HIP1R: variants seen among roughly 807,000 people sequenced by gnomAD.
The protein encoded by HIP1R is huntingtin-interacting protein 1-related protein.
A neutral mutation model predicts 144.2 loss-of-function variants in HIP1R; 135 were observed. The observed-to-expected ratio is 0.94, with a 90% CI of 0.81 to 1.08. The LOEUF (loss-of-function observed/expected upper bound fraction) is 1.08. HIP1R is among the 50% of genes least tolerant of loss of function. The pLI is 0.00. For missense variants in HIP1R, 1,462 were observed against 1,432.8 expected (o/e 1.02, Z -0.33); for synonymous variants, 698 against 612.8 (o/e 1.14, Z -2.05).
intron 7 of HIP1R, among the ~76,000 whole-genome samples, chr12:122,851,653 C>T (rs1187980300): frequency 6.6e-6 from 1 of 151,650 alleles, no homozygotes; most frequent in African/African-American, 2.4e-5. Flanking sequence ...CGCTACACTC[C>T]AGCCTGGGCA....
chr12:122,861,309 T>C lies in HIP1R; in HGVS notation c.2954T>C (p.Val985Ala), dbSNP rs1442551350. The change falls in exon 31 of 32, where the codon GTG becomes GCG. Residue 985 changes from valine (V) to alanine (A), a missense_variant and splice_region_variant. Around this residue, in one of 2 missense-constraint regions of HIP1R, gnomAD observed 1,112 missense variants for 1,011.7 expected, o/e 1.10. Transcript: ENST00000253083. ...KLKKQEMETQ[V>A]RVLELEKTLE... ...GCTGAGCAGGCCGTGTGGCTACAGG[T>C]GCGTGTCCTGGAGCTGGAGAAGACG... The C allele has an allele frequency of 1.9e-6, 3 of 1,613,208 alleles. No individual in the cohort carries two copies. The highest frequency in any genetic ancestry group is 2.5e-6 in the Non-Finnish European group (3 of 1,179,870).
At position 122,855,345 on chromosome 12, in the gene HIP1R, A is replaced by C; in HGVS notation, c.933A>C (p.Glu311Asp). 1 of 1,608,670 alleles carries C rather than the reference A, an allele frequency of 6.2e-7. No individual in the cohort carries two copies. Among genetic ancestry groups the C allele is most frequent in the African/African-American group, 1.3e-5 (1 of 74,902 alleles). ...TGGTGATCCCCGAGGAGGCCCCGGA[A>C]GATGAGGAGCCGGAGAATCTCATTG... Reference protein sequence around the residue: ...PVVVIPEEAPEDEEPENLIEI... With the variant: ...PVVVIPEEAPDDEEPENLIEI... Residue 311 changes from glutamate to aspartate, a missense_variant, in exon 11 of 32, where the codon GAA (glutamate) becomes GAC (aspartate). Physicochemically the swap from Glu to Asp is conservative, Grantham distance 45 (BLOSUM62 2). Transcript: ENST00000253083.
At position 122,847,249 on chromosome 12, in the gene HIP1R, G is replaced by A. The variant is rs568431224; in HGVS notation, c.94-782G>A. ...GATGGTACCGCCGTGAGCCCTCCTCGAGAGCACAGTCACGTCCAGGAAGCC... is the reference window on the plus strand; with the variant it reads ...GATGGTACCGCCGTGAGCCCTCCTCAAGAGCACAGTCACGTCCAGGAAGCC... On this transcript the variant is annotated intron_variant, in intron 1 of 31. Coordinates refer to ENST00000253083, the MANE Select transcript of HIP1R (RefSeq NM_003959.3). Among the ~76,000 whole-genome samples, 6 of 151,728 alleles carry A rather than the reference G, an allele frequency of 4.0e-5. No homozygotes were observed. In the East Asian group the frequency reaches 7.8e-4, roughly 20 times the overall value.
In HIP1R at chr12:122,862,641, G is replaced by A. The variant is rs946567119; in HGVS notation, c.*888G>A. 4 of 152,158 alleles carry A rather than the reference G, an allele frequency of 2.6e-5. No homozygotes were observed. The highest frequency in any genetic ancestry group is 4.8e-5 in the African/African-American group (2 of 41,408). The allele number at this position is 152,158 out of a possible 1,614,324, so 9.4% of individuals were successfully genotyped here. On this transcript the variant is annotated 3_prime_UTR_variant, in exon 32 of 32. Coordinates refer to ENST00000253083, the MANE Select transcript of HIP1R (RefSeq NM_003959.3). The stretch of plus-strand genomic sequence containing the variant: ...TGCTGGACCAGGGCCCTCAGGGAGG[G>A]GACCCTGCGGCTAGAGTGGGCTAGG...
Position 122,856,412 on chromosome 12 carries a change from C to T in HIP1R, c.1402-20C>T, listed in dbSNP as rs773478161. ...CTCGGGGATGGCAGCAGAGCATGAG[C>T]CCTTCCCCTGCCCATGCAGAACGCG... On this transcript the variant is annotated intron_variant, in intron 15 of 31. Coordinates refer to ENST00000253083, the MANE Select transcript of HIP1R (RefSeq NM_003959.3). 1.2e-6 allele frequency: 2 copies of T among 1,603,260 alleles called. No individual in the cohort carries two copies. Among genetic ancestry groups the T allele is most frequent in the Non-Finnish European group, 1.7e-6 (2 of 1,174,954 alleles).
Position 122,848,467 on chromosome 12 carries a change from C to T in HIP1R, c.159C>T (p.Arg53=). The change falls in exon 3 of 32, where the codon CGC becomes CGT. Residue 53 remains arginine (R), a splice_region_variant and synonymous_variant. Transcript: ENST00000253083. ...CCACACTTGGCCTTGACATTGCAGG[C>T]ATCATTCTGGGCACACACCACGAGA... is the stretch of plus-strand genomic sequence containing the variant. ...EAPVKEKHAR[R]IILGTHHEKG... 6.2e-7 allele frequency: 1 copy of T among 1,609,898 alleles called. No homozygotes were observed. Among genetic ancestry groups the T allele is most frequent in the South Asian group, 1.1e-5 (1 of 90,650 alleles).
Position 122,861,301 on chromosome 12 carries a change from G to A in HIP1R, c.2953-7G>A, listed in dbSNP as rs751590896. 8 of 1,613,680 alleles carry A rather than the reference G, an allele frequency of 5.0e-6. No homozygotes were observed. The highest frequency in any genetic ancestry group is 6.8e-6 in the Non-Finnish European group (8 of 1,179,980). On this transcript the variant is annotated splice_region_variant and splice_polypyrimidine_tract_variant and intron_variant, in intron 30 of 31. Coordinates refer to ENST00000253083, the MANE Select transcript of HIP1R (RefSeq NM_003959.3). ...TGGGCTGGGCTGAGCAGGCCGTGTGGCTACAGGTGCGTGTCCTGGAGCTGG... is the reference window on the plus strand; with the variant it reads ...TGGGCTGGGCTGAGCAGGCCGTGTGACTACAGGTGCGTGTCCTGGAGCTGG...
intron 3 of HIP1R, 24 bp from the exon 4 acceptor site, chr12:122,848,771 CA>C: frequency 6.2e-7 from 1 of 1,612,692 alleles, no homozygotes; most frequent in Non-Finnish European, 8.5e-7. Flanking sequence ...GACACTCCCC[CA>C]CTCCCGTATT....
At chr12:122,835,256 G>A (rs1255112134), upstream of HIP1R, among the ~76,000 whole-genome samples, 145 of 110,802 alleles carry the variant, frequency 1.3e-3, 1 homozygote, top group African/African-American at 4.7e-3. Context: ...TTGGGGATGT[G>A]CGGGGAGAGG....
chr12:122,834,880 G>A (rs996776093), upstream of HIP1R: 2 of 1,037,046 alleles, frequency 1.9e-6, no homozygotes, highest in Non-Finnish European at 2.6e-6. Flanking sequence ...GTCATTGTGT[G>A]CCTTTTGACA....
chr12:122,861,668 G>C (rs1251407056), intron 31 of HIP1R, 38 bp from the exon 32 acceptor site: 1 of 1,612,468 alleles, frequency 6.2e-7, no homozygotes, highest in East Asian at 2.2e-5. Flanking sequence ...CCAGGTGCCT[G>C]GCTGTGACCA....
At chr12:122,855,953 G>A (rs1007128974) in intron 13 of HIP1R, 27 bp from the exon 14 acceptor site, 1 of 1,572,238 alleles carries the variant, frequency 6.4e-7, no homozygotes, top group Non-Finnish European at 8.6e-7. Context: ...GCCCAGGCAG[G>A]GCCCCACGTC....
Position 122,836,472 on chromosome 12 carries a change from G to A in HIP1R, c.93+829G>A, listed in dbSNP as rs1487249146. Among the ~76,000 whole-genome samples, 1 of 152,144 alleles carries A rather than the reference G, an allele frequency of 6.6e-6. No homozygotes were observed. Among genetic ancestry groups the A allele is most frequent in the East Asian group, 1.9e-4 (1 of 5,186 alleles). ...GTTTTGTACTTGTGTTTGTGCCGGG[G>A]ACCCACGATGCAGACGTTGCTGCGT... On this transcript the variant is annotated intron_variant, in intron 1 of 31. Coordinates refer to ENST00000253083, the MANE Select transcript of HIP1R (RefSeq NM_003959.3). The surrounding 1 kb of genome is among the most constrained non-coding windows in gnomAD (Gnocchi z 4.1).
intron 1 of HIP1R, among the ~76,000 whole-genome samples, chr12:122,844,653 T>C (rs1310487934): frequency 6.6e-6 from 1 of 152,214 alleles, no homozygotes; most frequent in Non-Finnish European, 1.5e-5. Flanking sequence ...TCTTGGGAGC[T>C]GGATGGGAGC....
intron 24 of HIP1R, 60 bp from the exon 25 acceptor site, chr12:122,859,987 C>T (rs2033717690): frequency 2.0e-6 from 3 of 1,516,974 alleles, no homozygotes; most frequent in Non-Finnish European, 8.9e-7. Flanking sequence ...CCAGGCCCGC[C>T]ATGGCGTCGT....
At chr12:122,847,153 A>AG (rs2033232135) in intron 1 of HIP1R, among the ~76,000 whole-genome samples, 1 of 98,382 alleles carries the variant, frequency 1.0e-5, no homozygotes, top group Admixed American at 1.1e-4. Context: ...GGTGGGGGAC[A>AG]GAGGTTTAGC....
intron 31 of HIP1R, 89 bp from the exon 32 acceptor site, chr12:122,861,614 TGAC>T (rs1373763257): frequency 6.3e-7 from 1 of 1,580,328 alleles, no homozygotes; most frequent in East Asian, 2.3e-5. Flanking sequence ...CAGGGACCAC[TGAC>T]AACATGCAGG....
chr12:122,861,272 A>AGGCTG lies in HIP1R; in HGVS notation c.2953-25_2953-21dup, dbSNP rs573909976. 140 of 1,613,220 alleles carry AGGCTG rather than the reference A, an allele frequency of 8.7e-5. No individual in the cohort carries two copies. In the African/African-American group the frequency reaches 1.6e-3, roughly 19 times the overall value. ...GGACCCAGGAGAGAGCTCCCTGGGG[A>AGGCTG]GGCTGGGCTGGGCTGAGCAGGCCGT... On this transcript the variant is annotated intron_variant, in intron 30 of 31. Transcript: ENST00000253083.
At chr12:122,855,928 CCAGGGCCCCTCACGGCCCAGG>C in intron 13 of HIP1R, 25 bp downstream of exon 13, 8 of 1,565,106 alleles carry the variant, frequency 5.1e-6, no homozygotes, top group East Asian at 2.4e-5. Flanking sequence ...TGGGTGGGGG[CCAGGGCCCCTCACGGCCCAGG>C]CAGGGCCCCA....
Sources: gnomAD v4.1 joint callset for allele counts (sites outside exome capture counted in the v4.1 genomes callset) on GRCh38, gnomAD v4.1.1 for gene constraint, gnomAD v4.1.1 regional missense constraint, Gnocchi (gnomAD v3.1) non-coding constraint, MANE v1.5 for transcripts, NCBI Gene and HGNC (gene_info 2026-07-23, HGNC 2026-07-21) for gene names.